STOX2: variants seen among roughly 807,000 people sequenced by gnomAD.
STOX2 encodes the protein storkhead-box protein 2.
A neutral mutation model predicts 60.9 loss-of-function variants in STOX2; 28 were observed. The observed-to-expected ratio is 0.46, with a 90% CI of 0.34 to 0.63. STOX2 has a LOEUF of 0.63. Ranked by LOEUF, STOX2 falls within the 30% of genes least tolerant of loss-of-function variation. The pLI is 0.01. For synonymous variants in STOX2, 472 were observed against 463.9 expected (o/e 1.02, Z -0.22); for missense variants, 1,024 against 1,187.7 (o/e 0.86, Z 2.03).
chr4:183,932,375 T>C (rs1742456379), intron 1 of STOX2, among the ~76,000 whole-genome samples: 1 of 21,046 alleles, frequency 4.8e-5, no homozygotes, highest in Admixed American at 5.5e-4. Context: ...TATGTATACA[T>C]ACAGTATATG....
Position 184,009,895 on chromosome 4 carries a change from C to G in STOX2, c.1057C>G (p.His353Asp). The change falls in exon 3 of 4, where the codon CAC (histidine) becomes GAC (aspartate). Residue 353 changes from histidine (H) to aspartate (D), a missense_variant. Physicochemically the swap from His to Asp is moderately conservative, Grantham distance 81. Around this residue, in one of 3 missense-constraint regions of STOX2, gnomAD observed 922 missense variants for 1,058.3 expected, o/e 0.87. Transcript: ENST00000308497. This position sits in a 1 kb window ranked among gnomAD's most constrained non-coding sequence, Gnocchi z 4.0. ...GAGTAAAGCCGGGTCCTCTGCCCAT[C>G]ACAGCGGAAGGAGTAAAAAGAGTAG... ...QRSKAGSSAH[H>D]SGRSKKSRTH... 6.2e-7 allele frequency: 1 copy of G among 1,612,344 alleles called. No individual in the cohort carries two copies. The highest frequency in any genetic ancestry group is 8.5e-7 in the Non-Finnish European group (1 of 1,179,184).
At chr4:183,819,009 T>A (rs1739232941) in intron 1 of STOX2, among the ~76,000 whole-genome samples, 1 of 151,416 alleles carries the variant, frequency 6.6e-6, no homozygotes, top group Admixed American at 6.6e-5. Context: ...GAGACCCTCC[T>A]CACTTCCTAG....
intron 1 of STOX2, chr4:183,987,770 C>CA (rs1375634404): frequency 6.6e-6 from 1 of 152,200 alleles, no homozygotes; most frequent in Non-Finnish European, 1.5e-5. Flanking sequence ...ACTTGCACGG[C>CA]AACTGGAATT....
chr4:183,955,536 C>G (rs113589168), intron 1 of STOX2, among the ~76,000 whole-genome samples: 1 of 152,088 alleles, frequency 6.6e-6, no homozygotes, highest in Non-Finnish European at 1.5e-5. Flanking sequence ...CTCCTCTGAT[C>G]GGGACTAGTA....
Position 184,011,544 on chromosome 4 carries a change from A to G in STOX2, c.2585+121A>G. The G allele has an allele frequency of 6.4e-7, 1 of 1,563,662 alleles. No individual in the cohort carries two copies. Among genetic ancestry groups the G allele is most frequent in the Non-Finnish European group, 8.7e-7 (1 of 1,155,784 alleles). On this transcript the variant is annotated intron_variant, in intron 3 of 3. Transcript: ENST00000308497. The surrounding 1 kb of genome is among the most constrained non-coding windows in gnomAD (Gnocchi z 4.4). Reference sequence around the variant, plus strand: ...TCTATGGATGAGGGTTAAGAGTTGTATGAGTTGTATTGTTAACAATCTGTT... The same window carrying G: ...TCTATGGATGAGGGTTAAGAGTTGTGTGAGTTGTATTGTTAACAATCTGTT...
chr4:183,922,810 C>T (rs569339089), intron 1 of STOX2, among the ~76,000 whole-genome samples: 1 of 152,256 alleles, frequency 6.6e-6, no homozygotes, highest in African/African-American at 2.4e-5. Context: ...TACCCTCATC[C>T]CCTGCAACCA....
rs191466160 is a variant in STOX2, at chr4:183,826,448, G to A, written c.364+28393G>A. On this transcript the variant is annotated intron_variant, in intron 1 of 2. Transcript: ENST00000513034. ...GTCACTGGCCTTCGAGGCACAGTTC[G>A]TCTTCCCTGTGAAAGCTGCCACTCT... Among the ~76,000 whole-genome samples, 4 of 152,294 alleles carry A rather than the reference G, an allele frequency of 2.6e-5. No individual in the cohort carries two copies. In the East Asian group the frequency reaches 5.8e-4, roughly 22 times the overall value.
In STOX2 at chr4:184,001,313, G is replaced by A; in HGVS notation, c.167-12G>A. The A allele has an allele frequency of 6.2e-7, 1 of 1,612,924 alleles. No homozygotes were observed. The highest frequency in any genetic ancestry group is 8.5e-7 in the Non-Finnish European group (1 of 1,179,094). On this transcript the variant is annotated splice_polypyrimidine_tract_variant and intron_variant, in intron 1 of 3. Transcript: ENST00000308497. This position sits in a 1 kb window ranked among gnomAD's most constrained non-coding sequence, Gnocchi z 4.2. ...TTAATGAACCACTCACTTGAAAATT[G>A]TCTTTCTGCAGGTGATGTATCACCC...
At chr4:183,799,151 T>C (rs1561096750) in intron 1 of STOX2, among the ~76,000 whole-genome samples, 1 of 152,206 alleles carries the variant, frequency 6.6e-6, no homozygotes, top group Non-Finnish European at 1.5e-5. Context: ...TTATAGCATT[T>C]TTATTTTGTT....
chr4:183,861,468 G>A (rs1740445233), intron 1 of STOX2, among the ~76,000 whole-genome samples: 1 of 152,218 alleles, frequency 6.6e-6, no homozygotes, highest in South Asian at 2.1e-4. Context: ...AGAGCCTCTA[G>A]GGAGAGACAA....
At chr4:183,925,662 A>G (rs1011603790) in intron 1 of STOX2, among the ~76,000 whole-genome samples, 1 of 152,250 alleles carries the variant, frequency 6.6e-6, no homozygotes, top group African/African-American at 2.4e-5. Context: ...CCACTAGACA[A>G]TGTAATACAT....
chr4:183,873,543 T>A (rs2164303), intron 1 of STOX2, among the ~76,000 whole-genome samples: 3 of 151,510 alleles, frequency 2.0e-5, no homozygotes, highest in African/African-American at 4.9e-5. Flanking sequence ...AAGCACTAAA[T>A]GGTGACTGTG....
At chr4:183,930,415 C>T (rs991103657) in intron 1 of STOX2, among the ~76,000 whole-genome samples, 9 of 151,992 alleles carry the variant, frequency 5.9e-5, no homozygotes, top group African/African-American at 1.4e-4. Context: ...TGCAGTGGCA[C>T]GATCATGCCT....
At chr4:183,989,141 C>T (rs1354095777) in intron 1 of STOX2, among the ~76,000 whole-genome samples, 1 of 149,190 alleles carries the variant, frequency 6.7e-6, no homozygotes, top group Non-Finnish European at 1.5e-5. Flanking sequence ...GGGAGGCATT[C>T]AGTAAATAGT....
At chr4:183,818,718 C>G (rs551261092) in intron 1 of STOX2, among the ~76,000 whole-genome samples, 109 of 147,724 alleles carry the variant, frequency 7.4e-4, no homozygotes, top group African/African-American at 2.6e-3. Context: ...GCCGGCTGGG[C>G]GGGGGCTGAC....
intron 1 of STOX2, among the ~76,000 whole-genome samples, chr4:183,809,481 C>T (rs962216674): frequency 5.3e-5 from 8 of 152,212 alleles, no homozygotes; most frequent in Non-Finnish European, 1.2e-4. Flanking sequence ...TAACTGCAAC[C>T]TCTGCCTCCC....
chr4:183,867,651 A>G (rs532353151), intron 1 of STOX2, among the ~76,000 whole-genome samples: 1 of 152,364 alleles, frequency 6.6e-6, no homozygotes, highest in East Asian at 1.9e-4. Context: ...AGTTTCCTTT[A>G]ATAAGTCGGG....
chr4:183,945,489 G>A (rs1374209402), intron 1 of STOX2, among the ~76,000 whole-genome samples: 1 of 152,126 alleles, frequency 6.6e-6, no homozygotes, highest in East Asian at 1.9e-4. Flanking sequence ...TTTCTAGATT[G>A]CATCTGTATT....
At chr4:184,003,262 G>C (rs1313481985) in intron 2 of STOX2, among the ~76,000 whole-genome samples, 1 of 152,080 alleles carries the variant, frequency 6.6e-6, no homozygotes. Flanking sequence ...TTCTGAAATT[G>C]GTTACGTACC....
Sources: gnomAD v4.1 joint callset for allele counts (sites outside exome capture counted in the v4.1 genomes callset) on GRCh38, gnomAD v4.1.1 for gene constraint, gnomAD v4.1.1 regional missense constraint, Gnocchi (gnomAD v3.1) non-coding constraint, MANE v1.5 for transcripts, NCBI Gene and HGNC (gene_info 2026-07-23, HGNC 2026-07-21) for gene names.